The following VAV1 variants were observed in gnomAD, a reference collection of about 807,000 sequenced individuals.
VAV1 encodes vav guanine nucleotide exchange factor 1.
A neutral mutation model predicts 128.1 loss-of-function variants in VAV1; 33 were observed. The ratio of observed to expected loss-of-function variants is 0.26; its 90% CI spans 0.20 to 0.34. The LOEUF (loss-of-function observed/expected upper bound fraction) is 0.34, where lower values mean the gene tolerates loss of function less well. Ranked by LOEUF, VAV1 falls within the 10% of genes least tolerant of loss-of-function variation. The probability of loss-of-function intolerance (pLI) is 1.00; values close to 1 mark genes in which losing one functional copy is unlikely to be tolerated. For synonymous variants in VAV1, 394 were observed against 409.8 expected (o/e 0.96, Z 0.47); for missense variants, 715 against 1,093.7 (o/e 0.65, Z 4.88).
intron 1 of VAV1, among the ~76,000 whole-genome samples, chr19:6,804,548 C>A (rs1252054210): frequency 1.3e-5 from 2 of 151,878 alleles, no homozygotes; most frequent in Non-Finnish European, 2.9e-5. Context: ...TTCTGAGTAG[C>A]TGGGATTACA....
At chr19:6,831,325 T>C (rs951700017) in intron 14 of VAV1, among the ~76,000 whole-genome samples, 1 of 152,094 alleles carries the variant, frequency 6.6e-6, no homozygotes, top group African/African-American at 2.4e-5. Context: ...CTCTATTTCT[T>C]TTTTTGAGAC....
At chr19:6,797,039 C>T (rs1971151382) in intron 1 of VAV1, among the ~76,000 whole-genome samples, 1 of 151,588 alleles carries the variant, frequency 6.6e-6, no homozygotes, top group African/African-American at 2.4e-5. Context: ...GGAGACCAGC[C>T]CAGCCAACGT....
chr19:6,840,968 G>T (rs1267701265), intron 21 of VAV1, among the ~76,000 whole-genome samples: 1 of 151,910 alleles, frequency 6.6e-6, no homozygotes, highest in African/African-American at 2.4e-5. Flanking sequence ...AGTAGAGACA[G>T]GGTTTCACCA....
At chr19:6,855,647 C>G (rs1015941654) in intron 26 of VAV1, among the ~76,000 whole-genome samples, 2 of 152,092 alleles carry the variant, frequency 1.3e-5, no homozygotes, top group Non-Finnish European at 2.9e-5. Context: ...ATCCATCCAT[C>G]TATCCATGCA....
At chr19:6,833,797 C>G (rs1972152311) in intron 18 of VAV1, 64 bp downstream of exon 18, 4 of 1,613,772 alleles carry the variant, frequency 2.5e-6, no homozygotes, top group Non-Finnish European at 2.5e-6. Context: ...GGGGAGGACC[C>G]AGGACATCCT....
At chr19:6,844,515 C>A (rs1972467854) in intron 22 of VAV1, among the ~76,000 whole-genome samples, 1 of 152,018 alleles carries the variant, frequency 6.6e-6, no homozygotes, top group African/African-American at 2.4e-5. Context: ...CCTCGCCCAG[C>A]CGACGCTCCC....
intron 1 of VAV1, among the ~76,000 whole-genome samples, chr19:6,791,014 T>C (rs1208706795): frequency 6.6e-6 from 1 of 152,224 alleles, no homozygotes; most frequent in Non-Finnish European, 1.5e-5. Context: ...TCCTGCCTCC[T>C]ATTTCACATG....
Position 6,822,215 on chromosome 19 carries a change from C to G in VAV1, c.450-6C>G, listed in dbSNP as rs772472419. On this transcript the variant is annotated splice_region_variant and splice_polypyrimidine_tract_variant and intron_variant, in intron 4 of 26. Coordinates refer to ENST00000602142, the MANE Select transcript of VAV1 (RefSeq NM_005428.4). This position sits in a 1 kb window ranked among gnomAD's most constrained non-coding sequence, Gnocchi z 5.9. ...TCCAAGGGATCCCTGACCTCACAAC[C>G]CACAGCGACACGGTGGAGGAGGATG... The G allele has an allele frequency of 1.8e-5, 28 of 1,572,570 alleles. No individual in the cohort carries two copies. The African/African-American group carries it at 3.5e-4, about 20-fold the overall frequency.
intron 1 of VAV1, among the ~76,000 whole-genome samples, chr19:6,804,926 T>C (rs1599638842): frequency 6.6e-6 from 1 of 151,766 alleles, no homozygotes; most frequent in Non-Finnish European, 1.5e-5. Context: ...GTTTTCACCA[T>C]GTTAGCCAGG....
chr19:6,853,113 A>C, intron 25 of VAV1, 34 bp downstream of exon 25: 1 of 1,597,046 alleles, frequency 6.3e-7, no homozygotes, highest in Non-Finnish European at 8.6e-7. Context: ...TTACAGCCTC[A>C]GCCCCTTCCC....
At chr19:6,837,349 C>T (rs1281172647) in intron 21 of VAV1, among the ~76,000 whole-genome samples, 1 of 152,212 alleles carries the variant, frequency 6.6e-6, no homozygotes, top group African/African-American at 2.4e-5. Flanking sequence ...CCCTTGCTTC[C>T]TTCTGAGACA....
intron 19 of VAV1, 33 bp downstream of exon 19, chr19:6,833,986 G>A: frequency 6.2e-7 from 1 of 1,613,770 alleles, no homozygotes; most frequent in Non-Finnish European, 8.5e-7. Flanking sequence ...GTGGGGGCAG[G>A]AGGAAAATTC....
chr19:6,795,381 A>G (rs563444541), intron 1 of VAV1, among the ~76,000 whole-genome samples: 1 of 152,178 alleles, frequency 6.6e-6, no homozygotes, highest in Non-Finnish European at 1.5e-5. Flanking sequence ...CTCGCGAAAT[A>G]GGAGCCCTAC....
intron 26 of VAV1, among the ~76,000 whole-genome samples, chr19:6,855,843 A>G (rs1445240538): frequency 2.7e-5 from 4 of 149,182 alleles, no homozygotes; most frequent in Admixed American, 1.3e-4. Context: ...CTATCTATCT[A>G]TCCATTCATT....
At chr19:6,776,385 T>TCCATCCATCCATCC (rs1970637446) in intron 1 of VAV1, among the ~76,000 whole-genome samples, 9 of 36,162 alleles carry the variant, frequency 2.5e-4, no homozygotes, top group African/African-American at 9.5e-4. Flanking sequence ...TCCATCCATC[T>TCCATCCATCCATCC]ACCCATCCAC....
intron 2 of VAV1, among the ~76,000 whole-genome samples, chr19:6,821,315 C>T (rs1017475291): frequency 2.0e-4 from 31 of 151,940 alleles, no homozygotes; most frequent in Admixed American, 1.4e-3. Flanking sequence ...GCAGGAGAAT[C>T]GCTTGAACCT....
At chr19:6,827,977 G>C (rs899522755) in intron 9 of VAV1, 99 bp from the exon 10 acceptor site, 7 of 978,326 alleles carry the variant, frequency 7.2e-6, no homozygotes, top group Non-Finnish European at 1.1e-5. Flanking sequence ...CTGGGGTGGA[G>C]AGCTGCTCAC....
intron 26 of VAV1, among the ~76,000 whole-genome samples, chr19:6,856,730 G>GAAAAAAAAAA (rs1222535432): frequency 8.7e-5 from 6 of 68,650 alleles, no homozygotes; most frequent in Admixed American, 1.7e-4. Flanking sequence ...TCTCAAAAAA[G>GAAAAAAAAAA]AAAAAAAAAA....
intron 1 of VAV1, among the ~76,000 whole-genome samples, chr19:6,790,333 C>G (rs1486333503): frequency 2.6e-5 from 4 of 152,102 alleles, no homozygotes; most frequent in Non-Finnish European, 5.9e-5. Flanking sequence ...GAGTTCATGC[C>G]CTCTTGAGGG....
Sources: gnomAD v4.1 joint callset for allele counts (sites outside exome capture counted in the v4.1 genomes callset) on GRCh38, gnomAD v4.1.1 for gene constraint, Gnocchi (gnomAD v3.1) non-coding constraint, MANE v1.5 for transcripts, NCBI Gene and HGNC (gene_info 2026-07-23, HGNC 2026-07-21) for gene names.